Variants in UPK3A observed in about 807,000 individuals in gnomAD.
UPK3A encodes the protein uroplakin-3a.
In UPK3A, 32 loss-of-function variants were observed where a neutral mutation model predicts 27.6. The ratio of observed to expected loss-of-function variants is 1.16; its 90% CI spans 0.87 to 1.55. UPK3A has a LOEUF of 1.55. Ranked by LOEUF, UPK3A falls within the 40% of genes most tolerant of loss-of-function variation. The pLI is 0.00. For missense variants in UPK3A, 370 were observed against 367.9 expected, an observed-to-expected ratio of 1.01 and a Z score of -0.05; for synonymous variants, 171 against 163.9, an observed-to-expected ratio of 1.04 and a Z score of -0.33.
At chr22:45,293,433 C>G in intron 5 of UPK3A, 120 bp downstream of exon 5, 3 of 1,326,280 alleles carry the variant, frequency 2.3e-6, no homozygotes, top group Non-Finnish European at 3.2e-6. Flanking sequence ...AAGGAAGCTA[C>G]CCTCTGCCCC....
At chr22:45,291,568 GTGTGTAAGAGTTTGAGT>G (rs2084161480) in intron 4 of UPK3A, among the ~76,000 whole-genome samples, 1 of 150,364 alleles carries the variant, frequency 6.7e-6, no homozygotes, top group African/African-American at 2.5e-5. Flanking sequence ...GTGTGTGTGC[GTGTGTAAGAGTTTGAGT>G]TGGTGTGTGG....
intron 5 of UPK3A, among the ~76,000 whole-genome samples, chr22:45,295,160 A>C (rs2084186615): frequency 6.6e-6 from 1 of 151,646 alleles, no homozygotes; most frequent in Non-Finnish European, 1.5e-5. Context: ...GAGCCACTGC[A>C]CCCAGCCCAC....
intron 2 of UPK3A, among the ~76,000 whole-genome samples, chr22:45,286,365 C>T (rs2084117958): frequency 6.6e-6 from 1 of 152,168 alleles, no homozygotes; most frequent in Non-Finnish European, 1.5e-5. Context: ...TAGCTATTAC[C>T]AATCCCCATT....
intron 4 of UPK3A, among the ~76,000 whole-genome samples, chr22:45,289,368 G>A (rs904367281): frequency 2.6e-5 from 4 of 152,072 alleles, no homozygotes; most frequent in African/African-American, 9.7e-5. Context: ...GAGGTCAGGA[G>A]ATCGAGACCA....
intron 4 of UPK3A, 143 bp downstream of exon 4, chr22:45,289,286 G>A: frequency 1.3e-6 from 1 of 779,944 alleles, no homozygotes; most frequent in Non-Finnish European, 2.1e-6. Context: ...CCTTAAAGCT[G>A]TTGAGCCAGG....
chr22:45,285,808 A>G lies in UPK3A; in HGVS notation c.53-133A>G. 26 of 1,312,530 alleles carry G rather than the reference A, an allele frequency of 2.0e-5. No homozygotes were observed. The South Asian group carries it at 3.0e-4, about 15-fold the overall frequency. 81.3% of individuals were successfully genotyped at this position (1,312,530 alleles called of 1,614,324 possible). A position where few individuals can be genotyped will look rare whatever the true frequency, so the allele number is the denominator to read the frequency against. ...GACTGGGCAGGGGGCAGTGTCTGAG[A>G]CAGCTTATGCGGTGGCCCAGGGGGA... On this transcript the variant is annotated intron_variant, in intron 1 of 5. Coordinates refer to ENST00000216211, the MANE Select transcript of UPK3A (RefSeq NM_006953.4).
At position 45,287,315 on chromosome 22, in the gene UPK3A, G is replaced by T. The variant is rs1184714008; in HGVS notation, c.352G>T (p.Ala118Ser). The stretch of plus-strand genomic sequence containing the variant: ...CTGCAGTGACCTGCCCAGCCTGGAT[G>T]CCATTGGGGATGTGTCCAAGGCCTC... ...IPCSDLPSLD[A>S]IGDVSKASQI... The change falls in exon 3 of 6, where the codon GCC becomes TCC. Residue 118 changes from alanine (A) to serine (S), a missense_variant. Coordinates refer to ENST00000216211, the MANE Select transcript of UPK3A (RefSeq NM_006953.4). 1.2e-6 allele frequency: 2 copies of T among 1,614,242 alleles called. No homozygotes were observed. Among genetic ancestry groups the T allele is most frequent in the East Asian group, 4.5e-5 (2 of 44,888 alleles).
intron 4 of UPK3A, among the ~76,000 whole-genome samples, chr22:45,292,850 G>A (rs1246736562): frequency 6.6e-6 from 1 of 151,944 alleles, no homozygotes; most frequent in Admixed American, 6.6e-5. Flanking sequence ...TGAGGCTGCA[G>A]TGAGCCAGGA....
Position 45,295,740 on chromosome 22 carries a change from A to G in UPK3A, c.*21A>G. ...ACTGAGCCCAGCACCACCCCTGGGC[A>G]GCAGCATCCTCCTCTCTGGCCTTGC... On this transcript the variant is annotated 3_prime_UTR_variant, in exon 6 of 6. Transcript: ENST00000216211. 1.2e-6 allele frequency: 2 copies of G among 1,613,300 alleles called. No homozygotes were observed. Among genetic ancestry groups the G allele is most frequent in the Non-Finnish European group, 1.7e-6 (2 of 1,179,896 alleles).
chr22:45,292,085 C>G (rs573243201), intron 4 of UPK3A, among the ~76,000 whole-genome samples: 1 of 152,302 alleles, frequency 6.6e-6, no homozygotes, highest in East Asian at 1.9e-4. Flanking sequence ...ACCCTTGGGA[C>G]TAAGAGTCCT....
chr22:45,295,505 G>C (rs1262050694), intron 5 of UPK3A, 55 bp from the exon 6 acceptor site: 1 of 1,599,920 alleles, frequency 6.3e-7, no homozygotes, highest in Non-Finnish European at 8.6e-7. Flanking sequence ...GCAGCTAAAG[G>C]CATTTGGGTT....
At chr22:45,289,602 A>T (rs6006982) in intron 4 of UPK3A, among the ~76,000 whole-genome samples, 1 of 150,994 alleles carries the variant, frequency 6.6e-6, no homozygotes, top group East Asian at 2.0e-4. Flanking sequence ...AAGAAAAAAA[A>T]AATTAGCTGG....
Position 45,293,321 on chromosome 22 carries a change from C to T in UPK3A, c.704+8C>T. 6.2e-7 allele frequency: 1 copy of T among 1,613,684 alleles called. No homozygotes were observed. The highest frequency in any genetic ancestry group is 1.3e-5 in the African/African-American group (1 of 75,026). On this transcript the variant is annotated splice_region_variant and intron_variant, in intron 5 of 5. Coordinates refer to ENST00000216211, the MANE Select transcript of UPK3A (RefSeq NM_006953.4). ...CATTGCCCTCAGCCTCGTGTAAGTA[C>T]CTGCCTGCTGGGAGGGCTGGACCCC...
intron 1 of UPK3A, among the ~76,000 whole-genome samples, chr22:45,285,467 G>A (rs543951149): frequency 1.4e-4 from 22 of 152,192 alleles, no homozygotes; most frequent in Admixed American, 2.6e-4. Context: ...GGGGTGAGGG[G>A]AGCCTGTGGG....
rs761848623 is a variant in UPK3A, at chr22:45,286,004, C to G, written c.116C>G (p.Thr39Ser). The change falls in exon 2 of 6, where the codon ACT becomes AGT. Residue 39 changes from threonine (T) to serine (S), a missense_variant. By Grantham distance (58) the Thr-to-Ser change is moderately conservative. Transcript: ENST00000216211. ...TFATNNPTLT[T>S]VALEKPLCMF... ...GCCACCAACAACCCCACACTTACCA[C>G]TGTGGCCTTGGAAAAGCCTCTCTGC... 15 of 1,614,078 alleles carry G rather than the reference C, an allele frequency of 9.3e-6. 1 individual carries two copies. The South Asian group carries it at 1.5e-4, about 17-fold the overall frequency.
chr22:45,291,934 G>C (rs1305661259), intron 4 of UPK3A, among the ~76,000 whole-genome samples: 1 of 151,830 alleles, frequency 6.6e-6, no homozygotes, highest in Non-Finnish European at 1.5e-5. Flanking sequence ...GAGTGTGGCA[G>C]TGTGTGTCAG....
chr22:45,295,870 T>G lies in UPK3A; in HGVS notation c.*151T>G. 2.3e-6 allele frequency: 2 copies of G among 866,880 alleles called. No homozygotes were observed. The highest frequency in any genetic ancestry group is 3.6e-6 in the Non-Finnish European group (2 of 552,146). The allele number at this position is 866,880 out of a possible 1,614,324, so 53.7% of individuals were successfully genotyped here. A position where few individuals can be genotyped will look rare whatever the true frequency, so the allele number is the denominator to read the frequency against. On this transcript the variant is annotated 3_prime_UTR_variant, in exon 6 of 6. Coordinates refer to ENST00000216211, the MANE Select transcript of UPK3A (RefSeq NM_006953.4). ...ACCCTTAATAAAATCTTCTGATGAG[T>G]TCTAGTTCAGTAACTACTTACAGAA... is the stretch of plus-strand genomic sequence containing the variant.
chr22:45,291,572 G>A (rs943350635), intron 4 of UPK3A, among the ~76,000 whole-genome samples: 5 of 151,018 alleles, frequency 3.3e-5, no homozygotes, highest in African/African-American at 1.2e-4. Flanking sequence ...GTGTGCGTGT[G>A]TAAGAGTTTG....
chr22:45,286,492 G>A lies in UPK3A; in HGVS notation c.208+396G>A, dbSNP rs2048759. On this transcript the variant is annotated intron_variant, in intron 2 of 5. Coordinates refer to ENST00000216211, the MANE Select transcript of UPK3A (RefSeq NM_006953.4). ...AGCCCAAGGTCCTTCCTGAGGCTTC[G>A]AAAGGTGGCTCAAGATTGGTGTTTC... Among the ~76,000 whole-genome samples the A allele has an allele frequency of 2.9e-3, 437 of 152,204 alleles. 4 individuals are homozygous for A. Among genetic ancestry groups the A allele is most frequent in the Admixed American group, 0.02 (308 of 15,288 alleles).
Sources: gnomAD v4.1 joint callset for allele counts (sites outside exome capture counted in the v4.1 genomes callset) on GRCh38, gnomAD v4.1.1 for gene constraint, MANE v1.5 for transcripts, NCBI Gene and HGNC (gene_info 2026-07-23, HGNC 2026-07-21) for gene names.